PIK3R4: variants seen among roughly 807,000 people sequenced by gnomAD.
The protein encoded by PIK3R4 is phosphoinositide 3-kinase regulatory subunit 4.
Under a neutral mutation model 136.5 loss-of-function variants are expected in PIK3R4, and 46 were observed. The observed-to-expected ratio is 0.34, with a 90% CI of 0.27 to 0.43. PIK3R4 has a LOEUF of 0.43. Among genes scored for constraint, PIK3R4 ranks in the 20% least tolerant of loss-of-function variants. The probability of loss-of-function intolerance (pLI) is 1.00; values close to 1 mark genes in which losing one functional copy is unlikely to be tolerated. For missense variants in PIK3R4, 1,331 were observed against 1,649.5 expected (o/e 0.81, Z 3.35); for synonymous variants, 557 against 566.7 (o/e 0.98, Z 0.24).
At chr3:130,681,347 G>T in intron 17 of PIK3R4, 144 bp downstream of exon 17, 1 of 650,484 alleles carries the variant, frequency 1.5e-6, no homozygotes, top group Non-Finnish European at 2.8e-6. Flanking sequence ...ATGTAGCAAT[G>T]GCCACATGAT....
intron 4 of PIK3R4, among the ~76,000 whole-genome samples, chr3:130,731,794 T>A (rs144519358): frequency 6.6e-6 from 1 of 152,358 alleles, no homozygotes; most frequent in East Asian, 1.9e-4. Flanking sequence ...GTATTTTAAT[T>A]ATATTTAACC....
chr3:130,707,193 CTT>C (rs939998921), intron 10 of PIK3R4, 58 bp from the exon 11 acceptor site: 5 of 1,227,872 alleles, frequency 4.1e-6, no homozygotes, highest in Non-Finnish European at 1.1e-6. Context: ...CCATTATGTG[CTT>C]TTATTGCCTT....
rs1043474423 is a variant in PIK3R4, at chr3:130,682,302, T to G, written c.3608-711A>C. On this transcript the variant is annotated intron_variant, in intron 16 of 19. Coordinates refer to ENST00000356763, the MANE Select transcript of PIK3R4 (RefSeq NM_014602.3). The stretch of plus-strand genomic sequence containing the variant: ...GCAGTATAACAATGAAACAAGATGC[T>G]ATGTTGCTGGCTCTGAAGATGAAAG... Among the ~76,000 whole-genome samples, 6 of 152,226 alleles carry G rather than the reference T, an allele frequency of 3.9e-5. No homozygotes were observed. In the South Asian group the frequency reaches 6.2e-4, roughly 16 times the overall value.
intron 13 of PIK3R4, among the ~76,000 whole-genome samples, chr3:130,696,365 G>A (rs924435051): frequency 1.3e-5 from 2 of 151,248 alleles, no homozygotes; most frequent in Non-Finnish European, 2.9e-5. Flanking sequence ...TACTAATTTG[G>A]GATCTTTCTT....
In PIK3R4 at chr3:130,704,390, ATATT is replaced by A. The variant is rs1652555496; in HGVS notation, c.2933-506_2933-503del. 2.6e-5 allele frequency among the ~76,000 whole-genome samples: 4 copies of A among 152,316 alleles called. No individual in the cohort carries two copies. The South Asian group carries it at 8.3e-4, about 32-fold the overall frequency. On this transcript the variant is annotated intron_variant, in intron 12 of 19. Coordinates refer to ENST00000356763, the MANE Select transcript of PIK3R4 (RefSeq NM_014602.3). ...CGTTTGAACATTAAACAATTCCAAA[ATATT>A]TATTTTGATAAGAAAATTTATGCAA... is the stretch of plus-strand genomic sequence containing the variant.
rs2066853316 is a variant in PIK3R4, at chr3:130,746,365, G to GTCA, written c.-97_-95dup. The GTCA allele has an allele frequency of 6.6e-6, 1 of 152,302 alleles. No individual in the cohort carries two copies. Among genetic ancestry groups the GTCA allele is most frequent in the Non-Finnish European group, 1.5e-5 (1 of 68,134 alleles). The allele number at this position is 152,302 out of a possible 1,614,324, so 9.4% of individuals were successfully genotyped here. ...AAATCGTTCAGAGGCTCACAACGAG[G>GTCA]TCATAGTAGACTACTTCGGGGACGG... On this transcript the variant is annotated 5_prime_UTR_variant, in exon 1 of 20. The change creates a new upstream start codon in the 5' untranslated region. Transcript: ENST00000356763.
intron 13 of PIK3R4, among the ~76,000 whole-genome samples, chr3:130,692,204 G>A: frequency 6.6e-6 from 1 of 152,024 alleles, no homozygotes; most frequent in Non-Finnish European, 1.5e-5. Context: ...CAGCTTTGCT[G>A]AAATGATTTT....
chr3:130,733,582 T>C lies in PIK3R4; in HGVS notation c.1416A>G (p.Gln472=), dbSNP rs2066770058. 2 of 1,613,640 alleles carry C rather than the reference T, an allele frequency of 1.2e-6. No individual in the cohort carries two copies. Among genetic ancestry groups the C allele is most frequent in the Non-Finnish European group, 8.5e-7 (1 of 1,179,638 alleles). ...CTAGTCTAACGATAGTAGCATCATC[T>C]TGGGCTAAGTGGGCTATGCCTGGCA... The part of the protein sequence containing the change: ...YILPGIAHLA[Q]DDATIVRLAY... The change falls in exon 4 of 20, where the codon CAA becomes CAG. Residue 472 remains glutamine, a synonymous_variant. Transcript: ENST00000356763.
intron 6 of PIK3R4, 126 bp from the exon 7 acceptor site, chr3:130,723,713 T>C: frequency 1.4e-6 from 1 of 698,338 alleles, no homozygotes; most frequent in Non-Finnish European, 2.2e-6. Flanking sequence ...AACATTGCAC[T>C]TCCTACCCAG....
chr3:130,734,179 G>C, intron 3 of PIK3R4, 49 bp from the exon 4 acceptor site: 3 of 1,458,582 alleles, frequency 2.1e-6, no homozygotes, highest in South Asian at 2.6e-5. Context: ...GAATAGAAAA[G>C]TAAACCAGAT....
chr3:130,711,099 C>G (rs796327593), intron 9 of PIK3R4, among the ~76,000 whole-genome samples: 6 of 151,664 alleles, frequency 4.0e-5, no homozygotes, highest in African/African-American at 1.5e-4. Context: ...AAGTGCAGTA[C>G]TAGTGTTAAG....
In PIK3R4 at chr3:130,745,120, C is replaced by T. The variant is rs1284514111; in HGVS notation, c.99G>A (p.Gly33=). ...GAGCAACTTTAAAAAACCGAGTACT[C>T]CCCAGGCTTTTATCATATTCAAAGT... is the stretch of plus-strand genomic sequence containing the variant. ...IHDFEYDKSL[G]STRFFKVARA... Residue 33 remains glycine (G), a synonymous_variant, in exon 2 of 20, where the codon GGG becomes GGA. Transcript: ENST00000356763. 1 of 1,613,734 alleles carries T rather than the reference C, an allele frequency of 6.2e-7. No homozygotes were observed. The highest frequency in any genetic ancestry group is 1.1e-5 in the South Asian group (1 of 91,050).
chr3:130,737,022 A>G (rs2066789769), intron 2 of PIK3R4, among the ~76,000 whole-genome samples: 1 of 152,238 alleles, frequency 6.6e-6, no homozygotes, highest in African/African-American at 2.4e-5. Context: ...ATTACATGAC[A>G]GGCATTTAAC....
In PIK3R4 at chr3:130,679,312, GT is replaced by G; in HGVS notation, c.*2del. 8 of 1,574,822 alleles carry G rather than the reference GT, an allele frequency of 5.1e-6. No individual in the cohort carries two copies. The highest frequency in any genetic ancestry group is 6.9e-6 in the Non-Finnish European group (8 of 1,155,532). On this transcript the variant is annotated 3_prime_UTR_variant, in exon 20 of 20. Coordinates refer to ENST00000356763, the MANE Select transcript of PIK3R4 (RefSeq NM_014602.3). The stretch of plus-strand genomic sequence containing the variant: ...TATTAAAATTTATACAAATCAGTAG[GT>G]TTTATTTCCACACCTTCACAATCCC...
In PIK3R4 at chr3:130,745,114, A is replaced by G. The variant is rs751642248; in HGVS notation, c.105T>C (p.Thr35=). ...TGGCTCGAGCAACTTTAAAAAACCG[A>G]GTACTCCCCAGGCTTTTATCATATT... is the stretch of plus-strand genomic sequence containing the variant. ...DFEYDKSLGS[T]RFFKVARAKH... Residue 35 remains threonine, a synonymous_variant, in exon 2 of 20, where the codon ACT becomes ACC. Coordinates refer to ENST00000356763, the MANE Select transcript of PIK3R4 (RefSeq NM_014602.3). The G allele has an allele frequency of 1.2e-6, 2 of 1,613,884 alleles. No homozygotes were observed. The highest frequency in any genetic ancestry group is 8.5e-7 in the Non-Finnish European group (1 of 1,179,990).
chr3:130,695,293 A>G (rs764152974), intron 13 of PIK3R4, among the ~76,000 whole-genome samples: 4 of 152,168 alleles, frequency 2.6e-5, no homozygotes, highest in African/African-American at 4.8e-5. Flanking sequence ...TGAGTTAAGA[A>G]GTGTTCCCTC....
Position 130,716,489 on chromosome 3 carries a change from G to A in PIK3R4, c.2238C>T (p.His746=). ...AACCATTTCGTTTCTTCTGACGCAT[G>A]TGAAGATGTCTGAACAAGCTAGTAA... ...KDITSLFRHL[H]MRQKKRNGSL... The change falls in exon 9 of 20, where the codon CAC becomes CAT. Residue 746 remains histidine (H), a synonymous_variant. Transcript: ENST00000356763. 1.9e-6 allele frequency: 3 copies of A among 1,613,820 alleles called. No homozygotes were observed. The highest frequency in any genetic ancestry group is 1.3e-5 in the African/African-American group (1 of 75,052).
intron 2 of PIK3R4, among the ~76,000 whole-genome samples, chr3:130,742,077 G>A (rs2066827127): frequency 6.6e-6 from 1 of 152,150 alleles, no homozygotes; most frequent in Non-Finnish European, 1.5e-5. Context: ...GCCTATCAAG[G>A]ACGTCAGGAC....
intron 9 of PIK3R4, among the ~76,000 whole-genome samples, chr3:130,713,961 C>T (rs541597010): frequency 2.6e-5 from 4 of 152,224 alleles, no homozygotes; most frequent in Admixed American, 1.3e-4. Context: ...CATGAGCCAC[C>T]GCGCCGGGCC....
Sources: gnomAD v4.1 joint callset for allele counts (sites outside exome capture counted in the v4.1 genomes callset) on GRCh38, gnomAD v4.1.1 for gene constraint, MANE v1.5 for transcripts, NCBI Gene and HGNC (gene_info 2026-07-23, HGNC 2026-07-21) for gene names.